The following IL17RC variants were observed in gnomAD, a reference collection of about 807,000 sequenced individuals.
The protein encoded by IL17RC is interleukin-17 receptor C.
A neutral mutation model predicts 86.7 loss-of-function variants in IL17RC; 53 were observed. That is an observed-to-expected ratio of 0.61 (90% CI 0.49 to 0.77). The LOEUF is 0.77. Ranked by LOEUF, IL17RC falls within the 30% of genes least tolerant of loss-of-function variation. The probability of loss-of-function intolerance (pLI) is 0.00; values close to 1 mark genes in which losing one functional copy is unlikely to be tolerated. For missense variants in IL17RC, 957 were observed against 940.0 expected, an observed-to-expected ratio of 1.02 and a Z score of -0.24; for synonymous variants, 439 against 413.1, an observed-to-expected ratio of 1.06 and a Z score of -0.76.
Position 9,917,720 on chromosome 3 carries a change from C to T in IL17RC, c.113C>T (p.Ser38Phe). Residue 38 changes from serine to phenylalanine, a missense_variant, in exon 2 of 19, where the codon TCC becomes TTC. Coordinates refer to ENST00000403601, the MANE Select transcript of IL17RC (RefSeq NM_153460.4). ...CCTTTCTTTCCTTCCCAGGGCCTCT[C>T]CTGCCGCCTCTGGGGTAAGTATCCC... ...QDATHCSPGL[S>F]CRLWDSDILC... 1 of 1,613,768 alleles carries T rather than the reference C, an allele frequency of 6.2e-7. No homozygotes were observed. The highest frequency in any genetic ancestry group is 8.5e-7 in the Non-Finnish European group (1 of 1,180,034).
In IL17RC at chr3:9,923,898, G is replaced by A. The variant is rs75692599; in HGVS notation, c.640G>A (p.Val214Met). The change falls in exon 8 of 19, where the codon GTG (valine) becomes ATG (methionine). Residue 214 changes from valine (V) to methionine (M), a missense_variant. Physicochemically the swap from Val to Met is conservative, Grantham distance 21. Transcript: ENST00000403601. Reference sequence around the variant, plus strand: ...CCCACCAGCCCTGCCCTGGCTCAACGTGTCAGCAGATGGTGACAACGTGCA... The same window carrying A: ...CCCACCAGCCCTGCCCTGGCTCAACATGTCAGCAGATGGTGACAACGTGCA... ...PSCWALPWLNVSADGDNVHLV... is the reference protein window; with the variant it reads ...PSCWALPWLNMSADGDNVHLV... 0.016 allele frequency: 25,388 copies of A among 1,614,080 alleles called. 238 individuals are homozygous for A. The highest frequency in any genetic ancestry group is 0.018 in the Non-Finnish European group (21,122 of 1,179,974).
At chr3:9,932,530 C>A in intron 16 of IL17RC, 78 bp from the exon 17 acceptor site, 2 of 1,341,310 alleles carry the variant, frequency 1.5e-6, no homozygotes, top group Non-Finnish European at 2.1e-6. Flanking sequence ...GCACCCGGCC[C>A]AATTCATTTC....
At chr3:9,928,669 C>T (rs2084344783) in intron 12 of IL17RC, 39 bp downstream of exon 12, 1 of 1,602,804 alleles carries the variant, frequency 6.2e-7, no homozygotes, top group East Asian at 2.2e-5. Context: ...GGAGGCTGGA[C>T]CTGGGCAGAC....
In IL17RC at chr3:9,932,722, C is replaced by A. The variant is rs769767206; in HGVS notation, c.1483+19C>A. On this transcript the variant is annotated intron_variant, in intron 17 of 18. Coordinates refer to ENST00000403601, the MANE Select transcript of IL17RC (RefSeq NM_153460.4). ...GCGAAAGGTGAGCGCTTCCCGGCTC[C>A]CCATTCCCCTGGGGGAGGACCAGAG... 5.6e-6 allele frequency: 9 copies of A among 1,613,810 alleles called. No homozygotes were observed. Among genetic ancestry groups the A allele is most frequent in the Non-Finnish European group, 7.6e-6 (9 of 1,179,856 alleles).
rs746286726 is a variant in IL17RC, at chr3:9,930,030, T to C, written c.1159T>C (p.Ser387Pro). The C allele has an allele frequency of 3.7e-6, 6 of 1,613,800 alleles. No individual in the cohort carries two copies. The Admixed American group carries it at 1.0e-4, about 27-fold the overall frequency. ...LQLQECLWAD[S>P]LGPLKDDVLL... Reference sequence around the variant, plus strand: ...GAGTGGCCTCTCACCCCTTCCAGACTCCCTGGGGCCTCTCAAAGACGATGT... The same window carrying C: ...GAGTGGCCTCTCACCCCTTCCAGACCCCCTGGGGCCTCTCAAAGACGATGT... The change falls in exon 14 of 19, where the codon TCC becomes CCC. Residue 387 changes from serine to proline, a missense_variant and splice_region_variant. Ser to Pro is a moderately conservative substitution (Grantham distance 74). Coordinates refer to ENST00000403601, the MANE Select transcript of IL17RC (RefSeq NM_153460.4). The surrounding 1 kb of genome is among the most constrained non-coding windows in gnomAD (Gnocchi z 5.8).
intron 16 of IL17RC, 64 bp from the exon 17 acceptor site, chr3:9,932,544 T>G: frequency 2.1e-6 from 3 of 1,439,472 alleles, no homozygotes; most frequent in Admixed American, 3.3e-5. Flanking sequence ...TCATTTCTGT[T>G]AAGTCTCAGT....
At chr3:9,931,464 C>CATATATAT (rs1338301646) in intron 16 of IL17RC, among the ~76,000 whole-genome samples, 54 of 10,736 alleles carry the variant, frequency 5.0e-3, no homozygotes, top group African/African-American at 5.6e-3. Context: ...CACACACACA[C>CATATATAT]ACACACATAT....
At position 9,930,594 on chromosome 3, in the gene IL17RC, T is replaced by A. The variant is rs2084561219; in HGVS notation, c.1338+135T>A. 1 of 869,766 alleles carries A rather than the reference T, an allele frequency of 1.1e-6. No homozygotes were observed. Among genetic ancestry groups the A allele is most frequent in the South Asian group, 1.6e-5 (1 of 61,360 alleles). The allele number at this position is 869,766 out of a possible 1,614,324, so 53.9% of individuals were successfully genotyped here. ...TTAAGAGTAGAAGAAGCACAGTTCCTATCCCCAAGGAGCACACTGTTGGCT... is the reference window on the plus strand; with the variant it reads ...TTAAGAGTAGAAGAAGCACAGTTCCAATCCCCAAGGAGCACACTGTTGGCT... On this transcript the variant is annotated intron_variant, in intron 15 of 18. Coordinates refer to ENST00000403601, the MANE Select transcript of IL17RC (RefSeq NM_153460.4). This position sits in a 1 kb window ranked among gnomAD's most constrained non-coding sequence, Gnocchi z 5.8.
At chr3:9,917,860 T>C in intron 2 of IL17RC, 63 bp from the exon 3 acceptor site, 1 of 1,610,850 alleles carries the variant, frequency 6.2e-7, no homozygotes, top group African/African-American at 1.3e-5. Flanking sequence ...TCTGGGTATG[T>C]CAGGTGCCAC....
rs2084522687 is a variant in IL17RC at position 9,930,193 on chromosome 3, T to G, written c.1278+44T>G. On this transcript the variant is annotated intron_variant, in intron 14 of 18. Transcript: ENST00000403601. The surrounding 1 kb of genome is among the most constrained non-coding windows in gnomAD (Gnocchi z 5.8). ...TCCTCCACAGATCTCTCCAAATGCA[T>G]CTCACATCTGGCCTCAAATTTTCAC... The G allele has an allele frequency of 6.2e-7, 1 of 1,607,830 alleles. No homozygotes were observed. Among genetic ancestry groups the G allele is most frequent in the Non-Finnish European group, 8.5e-7 (1 of 1,175,662 alleles).
intron 7 of IL17RC, among the ~76,000 whole-genome samples, chr3:9,921,389 G>C (rs944672488): frequency 1.3e-5 from 2 of 151,916 alleles, no homozygotes; most frequent in Non-Finnish European, 2.9e-5. Flanking sequence ...TGGGAGGCAG[G>C]GGCTACAGTA....
At chr3:9,926,103 G>T (rs1284657194) in intron 9 of IL17RC, among the ~76,000 whole-genome samples, 6 of 148,658 alleles carry the variant, frequency 4.0e-5, no homozygotes, top group Non-Finnish European at 5.9e-5. Context: ...GCGTGATCTC[G>T]GCTCACTGCA....
rs371746550 is a variant in IL17RC, at chr3:9,917,980, C to T, written c.185C>T (p.Ala62Val). ...GTGCCTGCTCCGGGCCCCGTGCTGG[C>T]GCCTACGCACCTGCAGACAGAGCTG... is the stretch of plus-strand genomic sequence containing the variant. The part of the protein sequence containing the change: ...DIVPAPGPVL[A>V]PTHLQTELVL... The change falls in exon 3 of 19, where the codon GCG becomes GTG. Residue 62 changes from alanine to valine, a missense_variant. Physicochemically the swap from Ala to Val is moderately conservative, Grantham distance 64. Coordinates refer to ENST00000403601, the MANE Select transcript of IL17RC (RefSeq NM_153460.4). 41 of 1,613,682 alleles carry T rather than the reference C, an allele frequency of 2.5e-5. 1 individual carries two copies. Among genetic ancestry groups the T allele is most frequent in the South Asian group, 1.8e-4 (16 of 91,084 alleles).
rs751842121 is a variant in IL17RC, at chr3:9,918,022, A to G, written c.227A>G (p.Lys76Arg). The change falls in exon 3 of 19, where the codon AAG (lysine) becomes AGG (arginine). Residue 76 changes from lysine (K) to arginine (R), a missense_variant. Physicochemically the swap from Lys to Arg is conservative, Grantham distance 26 (BLOSUM62 2). Coordinates refer to ENST00000403601, the MANE Select transcript of IL17RC (RefSeq NM_153460.4). ...LQTELVLRCQKETDCDLCLRV... is the reference protein window; with the variant it reads ...LQTELVLRCQRETDCDLCLRV... ...ACAGAGCTGGTGCTGAGGTGCCAGAAGGAGACCGACTGTGACCTCTGTCTG... is the reference window on the plus strand; with the variant it reads ...ACAGAGCTGGTGCTGAGGTGCCAGAGGGAGACCGACTGTGACCTCTGTCTG... 18 of 1,612,150 alleles carry G rather than the reference A, an allele frequency of 1.1e-5. No homozygotes were observed. The highest frequency in any genetic ancestry group is 1.4e-5 in the Non-Finnish European group (17 of 1,179,162).
chr3:9,917,643 G>A (rs1170577118), intron 1 of IL17RC, 70 bp from the exon 2 acceptor site: 10 of 1,614,026 alleles, frequency 6.2e-6, no homozygotes, highest in Admixed American at 3.3e-5. Context: ...GGTAGGTGGA[G>A]GTCTTAGGCA....
intron 8 of IL17RC, 99 bp downstream of exon 8, chr3:9,924,119 C>A (rs981272152): frequency 1.2e-6 from 2 of 1,608,678 alleles, no homozygotes; most frequent in African/African-American, 1.3e-5. Context: ...GAGGACTCAC[C>A]CCAAGCAAGG....
At position 9,930,867 on chromosome 3, in the gene IL17RC, T is replaced by C. The variant is rs2084587781; in HGVS notation, c.1339-28T>C. The C allele has an allele frequency of 6.2e-7, 1 of 1,611,426 alleles. No individual in the cohort carries two copies. The highest frequency in any genetic ancestry group is 2.2e-5 in the East Asian group (1 of 44,880). ...ATATTGGAACACCTGGCTGGTGCCC[T>C]GGATTTGGTTCTGTTTGTATCTTAC... On this transcript the variant is annotated intron_variant, in intron 15 of 18. Coordinates refer to ENST00000403601, the MANE Select transcript of IL17RC (RefSeq NM_153460.4). The surrounding 1 kb of genome is among the most constrained non-coding windows in gnomAD (Gnocchi z 5.8).
chr3:9,930,138 A>G lies in IL17RC; in HGVS notation c.1267A>G (p.Lys423Glu), dbSNP rs746478859. 12 of 1,614,092 alleles carry G rather than the reference A, an allele frequency of 7.4e-6. No individual in the cohort carries two copies. The highest frequency in any genetic ancestry group is 9.3e-6 in the Non-Finnish European group (11 of 1,180,026). ...CAGTGGCTGTACTTCACTACCCAGC[A>G]AAGCCTCCACGGTTAGGACTGGGCG... is the stretch of plus-strand genomic sequence containing the variant. ...EPSGCTSLPSKASTRAARLGE... is the reference protein window; with the variant it reads ...EPSGCTSLPSEASTRAARLGE... Residue 423 changes from lysine (K) to glutamate (E), a missense_variant, in exon 14 of 19, where the codon AAA (lysine) becomes GAA (glutamate). Transcript: ENST00000403601. This position sits in a 1 kb window ranked among gnomAD's most constrained non-coding sequence, Gnocchi z 5.8.
chr3:9,925,171 C>T (rs560772059), intron 9 of IL17RC, among the ~76,000 whole-genome samples: 192 of 150,116 alleles, frequency 1.3e-3, no homozygotes, highest in African/African-American at 3.9e-3. Flanking sequence ...GCTGGAGCAC[C>T]GTGGCGTGAT....
Sources: allele counts gnomAD v4.1 joint callset (sites outside exome capture counted in the v4.1 genomes callset), GRCh38; gene constraint gnomAD v4.1.1; non-coding constraint Gnocchi (gnomAD v3.1); transcripts MANE v1.5; gene names NCBI Gene and HGNC (gene_info 2026-07-23, HGNC 2026-07-21).